Variants in LMNTD1 observed in about 807,000 individuals in gnomAD.
LMNTD1 encodes lamin tail domain-containing protein 1.
Under a neutral mutation model 50.9 loss-of-function variants are expected in LMNTD1, and 35 were observed. That is an observed-to-expected ratio of 0.69 (90% confidence interval 0.53 to 0.91). The LOEUF is 0.91. Among genes scored for constraint, LMNTD1 ranks in the 40% least tolerant of loss-of-function variants. LMNTD1 has a pLI of 0.00. For synonymous variants in LMNTD1, 153 were observed against 161.9 expected, an observed-to-expected ratio of 0.94 and a Z score of 0.42; for missense variants, 470 against 475.5, an observed-to-expected ratio of 0.99 and a Z score of 0.11.
intron 4 of LMNTD1, 22 bp downstream of exon 4, chr12:25,546,352 G>T: frequency 6.7e-7 from 1 of 1,496,646 alleles, no homozygotes; most frequent in Non-Finnish European, 9.1e-7. Flanking sequence ...AAGATACTAA[G>T]TAGTTCAAAT....
At chr12:25,601,690 C>T (rs1342907839) in intron 1 of LMNTD1, among the ~76,000 whole-genome samples, 2 of 151,864 alleles carry the variant, frequency 1.3e-5, no homozygotes, top group Admixed American at 1.3e-4. Flanking sequence ...ACACAAGATA[C>T]AAGTTTATAA....
At chr12:25,638,417 C>T (rs115455041) in intron 1 of LMNTD1, among the ~76,000 whole-genome samples, 3,392 of 152,046 alleles carry the variant, frequency 0.022, 47 homozygotes, top group Middle Eastern at 0.14. Flanking sequence ...TTGCAAATAA[C>T]ATGATCCTGT....
intron 1 of LMNTD1, among the ~76,000 whole-genome samples, chr12:25,596,608 G>A (rs1945850028): frequency 6.6e-6 from 1 of 152,000 alleles, no homozygotes; most frequent in Non-Finnish European, 1.5e-5. Flanking sequence ...CACTGTTCCA[G>A]ACAATCAAAG....
Position 25,523,363 on chromosome 12 carries a change from A to G in LMNTD1, c.798+2736T>C, listed in dbSNP as rs150362827. On this transcript the variant is annotated intron_variant, in intron 6 of 9. Transcript: ENST00000458174. Reference sequence around the variant, plus strand: ...CTTTTTAAAAATGACCCATAATATAACTTCTCTTTGCCCCATCTTACAAAT... The same window carrying G: ...CTTTTTAAAAATGACCCATAATATAGCTTCTCTTTGCCCCATCTTACAAAT... 2.0e-5 allele frequency among the ~76,000 whole-genome samples: 3 copies of G among 152,158 alleles called. No homozygotes were observed. The East Asian group carries it at 5.8e-4, about 29-fold the overall frequency.
In LMNTD1 at chr12:25,624,391, C is replaced by T. The variant is rs796306921; in HGVS notation, c.58+24103G>A. On this transcript the variant is annotated intron_variant, in intron 1 of 7. Coordinates refer to the LMNTD1 transcript ENST00000445693. ...GAAACAGATAACTAGGAAAAGGTAC[C>T]CATTCCATAACTGTGATATAGAGCA... Among the ~76,000 whole-genome samples the T allele has an allele frequency of 9.9e-5, 15 of 152,238 alleles. 1 individual carries two copies. Among genetic ancestry groups the T allele is most frequent in the Middle Eastern group, 6.8e-3 (2 of 294 alleles).
chr12:25,569,548 G>A (rs1222818250), intron 1 of LMNTD1, among the ~76,000 whole-genome samples: 1 of 152,132 alleles, frequency 6.6e-6, no homozygotes, highest in African/African-American at 2.4e-5. Context: ...GGAGTTCAGG[G>A]GCAGAATGAT....
chr12:25,588,326 T>C (rs777179677), intron 1 of LMNTD1, among the ~76,000 whole-genome samples: 1 of 152,158 alleles, frequency 6.6e-6, no homozygotes, highest in Non-Finnish European at 1.5e-5. Flanking sequence ...TACTAGTTTG[T>C]TTTAAGTTTA....
Position 25,480,015 on chromosome 12 carries a change from G to A in LMNTD1, c.*23-3555C>T, listed in dbSNP as rs566142943. On this transcript the variant is annotated intron_variant, in intron 9 of 9. Transcript: ENST00000458174. ...TTCACAGGACCATTGGGCAATGACA[G>A]GGGTGGCTGGGGAAAGAGGCTGAGT... Among the ~76,000 whole-genome samples the A allele has an allele frequency of 6.0e-4, 92 of 152,338 alleles. 1 individual carries two copies. The highest frequency in any genetic ancestry group is 2.1e-3 in the African/African-American group (89 of 41,580).
At chr12:25,634,530 G>A (rs941064121) in intron 1 of LMNTD1, among the ~76,000 whole-genome samples, 2 of 152,086 alleles carry the variant, frequency 1.3e-5, no homozygotes, top group Admixed American at 6.5e-5. Context: ...TTTAACAGAC[G>A]CAAGTCAGTA....
intron 9 of LMNTD1, among the ~76,000 whole-genome samples, chr12:25,480,755 CAT>C (rs1247948763): frequency 1.3e-5 from 2 of 152,160 alleles, no homozygotes; most frequent in Admixed American, 1.3e-4. Context: ...TTTTCAGATG[CAT>C]ATGTCTTTAT....
chr12:25,532,506 T>A (rs1426114942), intron 4 of LMNTD1, among the ~76,000 whole-genome samples: 1 of 152,130 alleles, frequency 6.6e-6, no homozygotes. Flanking sequence ...CTTTCAAAAT[T>A]GGCAGCTGTT....
rs747224380 is a variant in LMNTD1 at position 25,526,847 on chromosome 12, C to T, written c.600G>A (p.Gln200=). 11 of 1,613,122 alleles carry T rather than the reference C, an allele frequency of 6.8e-6. No homozygotes were observed. The highest frequency in any genetic ancestry group is 9.3e-6 in the Non-Finnish European group (11 of 1,179,264). ...AAATGGTTTGTCCATTCACATTTTG[C>T]TGGAGAATATGATCTCCAATTGCCA... is the stretch of plus-strand genomic sequence containing the variant. The part of the protein sequence containing the change: ...KEMAIGDHIL[Q]QNVNGQTISL... Residue 200 remains glutamine, a synonymous_variant, in exon 5 of 10, where the codon CAG becomes CAA. Coordinates refer to ENST00000458174, the MANE Select transcript of LMNTD1 (RefSeq NM_001145728.2).
rs376643307 is a variant in LMNTD1 at position 25,641,297 on chromosome 12, T to A, written c.58+7197A>T. ...TGATGTCTTGATTTCCTTTCCTTTA[T>A]AAGGTGCATGTATAAACCAGCAGTT... On this transcript the variant is annotated intron_variant, in intron 1 of 7. Coordinates refer to the LMNTD1 transcript ENST00000445693. Among the ~76,000 whole-genome samples, 132 of 152,266 alleles carry A rather than the reference T, an allele frequency of 8.7e-4. 3 individuals carry two copies. In the South Asian group the frequency reaches 0.027, roughly 31 times the overall value.
rs139806716 is a variant in LMNTD1, at chr12:25,636,124, A to G, written c.58+12370T>C. 4.1e-3 allele frequency among the ~76,000 whole-genome samples: 618 copies of G among 152,326 alleles called. 1 individual carries two copies. Among genetic ancestry groups the G allele is most frequent in the African/African-American group, 0.014 (577 of 41,576 alleles). ...AAAAGCAAACACAATGAAAACAAAG[A>G]TAAATAGTAGGGACCTAATTAAACT... On this transcript the variant is annotated intron_variant, in intron 1 of 7. Coordinates refer to the LMNTD1 transcript ENST00000445693.
At chr12:25,608,493 G>A (rs1204968757) in intron 1 of LMNTD1, among the ~76,000 whole-genome samples, 2 of 152,130 alleles carry the variant, frequency 1.3e-5, no homozygotes, top group African/African-American at 4.8e-5. Context: ...TCCATGTTTA[G>A]TGCTCCCTTC....
At chr12:25,639,007 A>T (rs1946894962) in intron 1 of LMNTD1, among the ~76,000 whole-genome samples, 2 of 152,198 alleles carry the variant, frequency 1.3e-5, no homozygotes, top group Admixed American at 6.5e-5. Flanking sequence ...TCCAAAAATA[A>T]TTCCTATATT....
At chr12:25,566,603 C>A (rs959497812) in intron 1 of LMNTD1, among the ~76,000 whole-genome samples, 1 of 152,190 alleles carries the variant, frequency 6.6e-6, no homozygotes, top group African/African-American at 2.4e-5. Context: ...TGGCTTTAGG[C>A]GCAAATATAA....
At chr12:25,635,092 T>C (rs1946800666) in intron 1 of LMNTD1, among the ~76,000 whole-genome samples, 1 of 151,642 alleles carries the variant, frequency 6.6e-6, no homozygotes, top group African/African-American at 2.4e-5. Flanking sequence ...AATACAAAAT[T>C]AGCCGGGCAT....
intron 1 of LMNTD1, among the ~76,000 whole-genome samples, chr12:25,640,103 G>A (rs754787353): frequency 1.3e-5 from 2 of 152,184 alleles, no homozygotes; most frequent in Non-Finnish European, 2.9e-5. Context: ...CAAATCTACA[G>A]AGACAGAAAA....
Sources: allele counts gnomAD v4.1 joint callset (sites outside exome capture counted in the v4.1 genomes callset), GRCh38; gene constraint gnomAD v4.1.1; transcripts MANE v1.5; gene names NCBI Gene and HGNC (gene_info 2026-07-23, HGNC 2026-07-21).